The following HMBOX1 variants were observed in gnomAD, a reference collection of about 807,000 sequenced individuals.
The protein encoded by HMBOX1 is homeobox containing 1.
A neutral mutation model predicts 54.5 loss-of-function variants in HMBOX1; 14 were observed. The observed-to-expected ratio is 0.26, with a 90% confidence interval of 0.17 to 0.40. HMBOX1 has a LOEUF of 0.40. Among genes scored for constraint, HMBOX1 ranks in the 10% least tolerant of loss-of-function variants. The probability of loss-of-function intolerance (pLI) is 1.00; values close to 1 mark genes in which losing one functional copy is unlikely to be tolerated. For synonymous variants in HMBOX1, 160 were observed against 181.0 expected (o/e 0.88, Z 0.93); for missense variants, 332 against 514.4 (o/e 0.65, Z 3.43).
intron 1 of HMBOX1, among the ~76,000 whole-genome samples, chr8:28,922,896 A>G (rs552278570): frequency 6.6e-6 from 1 of 152,298 alleles, no homozygotes; most frequent in African/African-American, 2.4e-5. Context: ...AAGTGATGCT[A>G]TGTGTCTGAT....
chr8:29,049,171 C>T, intron 9 of HMBOX1, 123 bp downstream of exon 9: 1 of 1,489,384 alleles, frequency 6.7e-7, no homozygotes, highest in Non-Finnish European at 9.2e-7. Context: ...TCCCTCCACT[C>T]TGCTCCTGTG....
At chr8:29,003,437 T>G (rs1318687388) in intron 4 of HMBOX1, among the ~76,000 whole-genome samples, 3 of 150,398 alleles carry the variant, frequency 2.0e-5, no homozygotes, top group African/African-American at 4.9e-5. Flanking sequence ...AGTAAGTTAC[T>G]TATTATATGT....
chr8:28,971,782 A>AC (rs1827472490), intron 3 of HMBOX1, among the ~76,000 whole-genome samples: 1 of 152,172 alleles, frequency 6.6e-6, no homozygotes, highest in Non-Finnish European at 1.5e-5. Context: ...GGAGTTTTGT[A>AC]AAAACTCCTC....
chr8:28,932,338 CATT>C (rs1331008751), intron 1 of HMBOX1, among the ~76,000 whole-genome samples: 1 of 152,140 alleles, frequency 6.6e-6, no homozygotes, highest in Non-Finnish European at 1.5e-5. Flanking sequence ...GGGAGTATGA[CATT>C]ATTTGAGTTA....
chr8:29,005,098 A>T (rs1473108846), intron 4 of HMBOX1, among the ~76,000 whole-genome samples: 1 of 152,250 alleles, frequency 6.6e-6, no homozygotes, highest in Non-Finnish European at 1.5e-5. Context: ...AAGACAAGAC[A>T]GGAGAATATT....
rs368255876 is a variant in HMBOX1 at position 29,023,632 on chromosome 8, G to A, written c.851+4719G>A. On this transcript the variant is annotated intron_variant, in intron 6 of 9. Transcript: ENST00000287701. ...GCCTAGGCTGGTATTGAACTCCTGG[G>A]CTCAAGAGATCCACCTGCCTCAGTC... 5.2e-3 allele frequency among the ~76,000 whole-genome samples: 798 copies of A among 152,132 alleles called. 4 individuals are homozygous for A. The highest frequency in any genetic ancestry group is 9.0e-3 in the Non-Finnish European group (614 of 67,974).
chr8:29,040,013 C>T (rs746699090), intron 6 of HMBOX1, among the ~76,000 whole-genome samples: 7 of 152,028 alleles, frequency 4.6e-5, no homozygotes, highest in Non-Finnish European at 7.4e-5. Context: ...TTCATATTTT[C>T]GTCTTTACTG....
intron 1 of HMBOX1, among the ~76,000 whole-genome samples, chr8:28,909,476 T>C (rs1000588686): frequency 6.6e-6 from 1 of 152,218 alleles, no homozygotes; most frequent in African/African-American, 2.4e-5. Context: ...CTGTAACTAG[T>C]CATGGACCAG....
intron 4 of HMBOX1, among the ~76,000 whole-genome samples, chr8:28,983,244 A>G (rs930093118): frequency 6.6e-6 from 1 of 152,066 alleles, no homozygotes; most frequent in Non-Finnish European, 1.5e-5. Context: ...ATGATTCTCC[A>G]TTGTCTAAAA....
At chr8:29,004,829 C>T (rs951176005) in intron 4 of HMBOX1, among the ~76,000 whole-genome samples, 1 of 152,062 alleles carries the variant, frequency 6.6e-6, no homozygotes, top group Non-Finnish European at 1.5e-5. Context: ...CTGATAGTAT[C>T]GAGAGGCTGC....
At chr8:28,927,293 A>G (rs904463300) in intron 1 of HMBOX1, among the ~76,000 whole-genome samples, 2 of 152,196 alleles carry the variant, frequency 1.3e-5, no homozygotes, top group African/African-American at 2.4e-5. Context: ...AAAAAGAAAA[A>G]TATATATTTT....
intron 4 of HMBOX1, among the ~76,000 whole-genome samples, chr8:28,982,610 C>A (rs1009206555): frequency 6.6e-6 from 1 of 151,756 alleles, no homozygotes; most frequent in Admixed American, 6.6e-5. Flanking sequence ...CCACCACACC[C>A]GGCTAATATT....
chr8:28,919,316 A>G (rs1440351673), intron 1 of HMBOX1, among the ~76,000 whole-genome samples: 2 of 152,210 alleles, frequency 1.3e-5, no homozygotes, highest in Admixed American at 6.5e-5. Context: ...TTCAGTATTT[A>G]TTGTATTATA....
intron 1 of HMBOX1, among the ~76,000 whole-genome samples, chr8:28,904,971 G>C (rs1305998022): frequency 2.0e-5 from 3 of 152,048 alleles, no homozygotes; most frequent in Non-Finnish European, 4.4e-5. Flanking sequence ...TACTGCGCCC[G>C]GCCTCTTCAC....
At chr8:29,049,470 G>A (rs1806113201) in intron 9 of HMBOX1, 1 of 1,475,566 alleles carries the variant, frequency 6.8e-7, no homozygotes, top group Non-Finnish European at 9.0e-7. Flanking sequence ...GCCTAAACAC[G>A]TACCGACGCA....
At chr8:28,966,812 G>C (rs1826513409) in intron 2 of HMBOX1, among the ~76,000 whole-genome samples, 1 of 152,152 alleles carries the variant, frequency 6.6e-6, no homozygotes, top group Non-Finnish European at 1.5e-5. Context: ...GATCATTCTA[G>C]CAATTGTGGA....
intron 1 of HMBOX1, among the ~76,000 whole-genome samples, chr8:28,947,759 C>T (rs954031147): frequency 2.6e-5 from 4 of 152,102 alleles, no homozygotes; most frequent in Non-Finnish European, 5.9e-5. Flanking sequence ...CTCCTTTGAT[C>T]TGTCCCTCCT....
intron 1 of HMBOX1, among the ~76,000 whole-genome samples, chr8:28,951,370 A>G (rs1050059238): frequency 1.3e-5 from 2 of 152,152 alleles, no homozygotes; most frequent in African/African-American, 4.8e-5. Flanking sequence ...TGACCTTATG[A>G]TCCGCCCACC....
At chr8:28,951,536 CTA>C (rs1823416226) in intron 1 of HMBOX1, among the ~76,000 whole-genome samples, 1 of 152,122 alleles carries the variant, frequency 6.6e-6, no homozygotes, top group African/African-American at 2.4e-5. Context: ...GAAAATAAGA[CTA>C]TTTTGTTTAA....
Sources: gnomAD v4.1 joint callset for allele counts (sites outside exome capture counted in the v4.1 genomes callset) on GRCh38, gnomAD v4.1.1 for gene constraint, MANE v1.5 for transcripts, NCBI Gene and HGNC (gene_info 2026-07-23, HGNC 2026-07-21) for gene names.